CSMD1: variants seen among roughly 807,000 people sequenced by gnomAD.
The protein encoded by CSMD1 is CUB and Sushi multiple domains 1, also known as CUB and sushi domain-containing protein 1.
Under a neutral mutation model 417.5 loss-of-function variants are expected in CSMD1, and 213 were observed. The ratio of observed to expected loss-of-function variants is 0.51; its 90% CI spans 0.46 to 0.57. The LOEUF (loss-of-function observed/expected upper bound fraction) is 0.57, where lower values mean the gene tolerates loss of function less well. Ranked by LOEUF, CSMD1 falls within the 20% of genes least tolerant of loss-of-function variation. CSMD1 has a pLI of 0.00. For missense variants in CSMD1, 6,923 were observed against 4,529.7 expected (o/e 1.53, Z -15.17); for synonymous variants, 2,862 against 1,736.8 (o/e 1.65, Z -16.11).
At position 3,189,980 on chromosome 8, in the gene CSMD1, G is replaced by T. The variant is rs535341069; in HGVS notation, c.5330C>A (p.Thr1777Lys). 1.3e-6 allele frequency: 2 copies of T among 1,598,406 alleles called. No homozygotes were observed. The highest frequency in any genetic ancestry group is 1.7e-6 in the Non-Finnish European group (2 of 1,172,884). Residue 1777 changes from threonine to lysine, a missense_variant, in exon 34 of 70, where the codon ACG becomes AAG. Coordinates refer to ENST00000635120, the MANE Select transcript of CSMD1 (RefSeq NM_033225.6). ...CNPGYLLQGSTALHCQSVPNA... is the reference protein window; with the variant it reads ...CNPGYLLQGSKALHCQSVPNA... Reference sequence around the variant, plus strand: ...GGGCACGGACTGGCAGTGGAGCGCCGTGGAACCCTGAAGCAGGTATCCCGG... The same window carrying T: ...GGGCACGGACTGGCAGTGGAGCGCCTTGGAACCCTGAAGCAGGTATCCCGG...
intron 3 of CSMD1, among the ~76,000 whole-genome samples, chr8:4,404,149 G>C (rs1162956549): frequency 6.6e-6 from 1 of 152,136 alleles, no homozygotes; most frequent in African/African-American, 2.4e-5. Flanking sequence ...TCTCAGCGTA[G>C]AGCTTTCCGG....
chr8:4,118,516 G>A (rs1263720395), intron 3 of CSMD1, among the ~76,000 whole-genome samples: 1 of 151,724 alleles, frequency 6.6e-6, no homozygotes, highest in Non-Finnish European at 1.5e-5. Flanking sequence ...GGTCACTAGA[G>A]AAATGCAAAC....
At chr8:3,450,227 G>A (rs1052527755) in intron 12 of CSMD1, among the ~76,000 whole-genome samples, 9 of 152,138 alleles carry the variant, frequency 5.9e-5, no homozygotes, top group South Asian at 2.1e-4. Context: ...TTGACCAACT[G>A]ACTTCATGGT....
chr8:3,711,070 A>G (rs531241878), intron 6 of CSMD1, among the ~76,000 whole-genome samples: 2 of 152,278 alleles, frequency 1.3e-5, no homozygotes, highest in East Asian at 3.9e-4. Context: ...ATATTTTCCT[A>G]TAGCAAATGT....
At chr8:3,886,062 T>G (rs910064386) in intron 5 of CSMD1, among the ~76,000 whole-genome samples, 11 of 151,924 alleles carry the variant, frequency 7.2e-5, no homozygotes, top group African/African-American at 2.4e-4. Context: ...TTTATTATTA[T>G]TTTTTTGAGA....
chr8:3,141,320 C>A (rs1376258548), intron 41 of CSMD1, among the ~76,000 whole-genome samples: 1 of 152,180 alleles, frequency 6.6e-6, no homozygotes, highest in East Asian at 1.9e-4. Flanking sequence ...CCAACTCCAT[C>A]TTGCTTCTAA....
At chr8:3,282,378 A>T (rs1286414096) in intron 26 of CSMD1, among the ~76,000 whole-genome samples, 1 of 152,126 alleles carries the variant, frequency 6.6e-6, no homozygotes, top group Non-Finnish European at 1.5e-5. Flanking sequence ...AAAAAAATAA[A>T]ACCTGTTGAA....
rs556064451 is a variant in CSMD1 at position 4,258,835 on chromosome 8, C to G, written c.415+161118G>C. 2.0e-5 allele frequency among the ~76,000 whole-genome samples: 3 copies of G among 152,174 alleles called. No individual in the cohort carries two copies. The South Asian group carries it at 6.2e-4, about 32-fold the overall frequency. ...CACAGCAGCAGAAAGATCAGGAGCC[C>G]CACTCCTCATGGACAACGGCTGCAA... On this transcript the variant is annotated intron_variant, in intron 3 of 69. Coordinates refer to ENST00000635120, the MANE Select transcript of CSMD1 (RefSeq NM_033225.6).
intron 52 of CSMD1, among the ~76,000 whole-genome samples, chr8:3,005,856 G>T (rs367862619): frequency 1.6e-4 from 25 of 151,824 alleles, no homozygotes; most frequent in African/African-American, 3.4e-4. Context: ...CTTTGAAAAC[G>T]GGCACAAGAC....
intron 3 of CSMD1, among the ~76,000 whole-genome samples, chr8:4,044,731 T>TGCC (rs1798060260): frequency 6.6e-6 from 1 of 152,176 alleles, no homozygotes; most frequent in Non-Finnish European, 1.5e-5. Flanking sequence ...CCTGGACACG[T>TGCC]ACCACCCTGG....
chr8:3,181,177 G>A lies in CSMD1; in HGVS notation c.5658C>T (p.Asn1886=). 6.2e-7 allele frequency: 1 copy of A among 1,613,908 alleles called. No individual in the cohort carries two copies. The highest frequency in any genetic ancestry group is 2.2e-5 in the East Asian group (1 of 44,868). ...TVPALLNSTS[N]QLYLHFQSDI... ...CAGACTGGAAATGCAGGTAGAGTTG[G>A]TTGGAAGTACTGTTCAGCAGTGCCG... The change falls in exon 37 of 70, where the codon AAC becomes AAT. Residue 1886 remains asparagine (N), a synonymous_variant. Transcript: ENST00000635120.
At chr8:3,095,731 A>C (rs1585335481) in intron 47 of CSMD1, among the ~76,000 whole-genome samples, 1 of 152,200 alleles carries the variant, frequency 6.6e-6, no homozygotes. Flanking sequence ...CCCTGTTATT[A>C]TGTACAGCCA....
intron 3 of CSMD1, among the ~76,000 whole-genome samples, chr8:4,178,446 T>C (rs1798177613): frequency 6.6e-6 from 1 of 151,214 alleles, no homozygotes; most frequent in African/African-American, 2.4e-5. Context: ...TAATAAGAGC[T>C]ATCTATAACA....
At chr8:3,484,802 T>C (rs1040498170) in intron 11 of CSMD1, among the ~76,000 whole-genome samples, 5 of 152,194 alleles carry the variant, frequency 3.3e-5, no homozygotes, top group African/African-American at 1.2e-4. Flanking sequence ...GGATGTCAGA[T>C]AGTAAATAAG....
rs756336403 is a variant in CSMD1, at chr8:3,106,544, A to T, written c.6933T>A (p.Ser2311=). The change falls in exon 46 of 70, where the codon TCT becomes TCA. Residue 2311 remains serine (S), a synonymous_variant. Transcript: ENST00000635120. ...AGTGCATACCTTCACATGTTGGGAG[A>T]GAACCCTCAAACTGCAACTGGGAAC... ...KLSSQLQFEG[S]LPTCEAQCPA... is the part of the protein sequence containing the mutation. 10 of 1,612,614 alleles carry T rather than the reference A, an allele frequency of 6.2e-6. No individual in the cohort carries two copies. The East Asian group carries it at 2.0e-4, about 32-fold the overall frequency.
intron 1 of CSMD1, among the ~76,000 whole-genome samples, chr8:4,863,395 T>C (rs1228721755): frequency 1.3e-5 from 2 of 152,110 alleles, no homozygotes; most frequent in African/African-American, 4.8e-5. Context: ...GTAAAGAGAA[T>C]GCCTTTGGCC....
chr8:4,258,357 AGGAGGGAAGGAG>A (rs1363334939), intron 3 of CSMD1, among the ~76,000 whole-genome samples: 2 of 17,306 alleles, frequency 1.2e-4, no homozygotes, highest in African/African-American at 2.6e-4. Flanking sequence ...GAGAAAGAGA[AGGAGGGAAGGAG>A]GGAGGGAAGG....
At chr8:3,378,482 C>T (rs546873446) in intron 18 of CSMD1, among the ~76,000 whole-genome samples, 4 of 152,086 alleles carry the variant, frequency 2.6e-5, no homozygotes, top group African/African-American at 9.7e-5. Flanking sequence ...TGAAGAACAC[C>T]GATGTGAAAA....
At chr8:4,584,128 T>C (rs901670891) in intron 2 of CSMD1, among the ~76,000 whole-genome samples, 1 of 151,766 alleles carries the variant, frequency 6.6e-6, no homozygotes, top group African/African-American at 2.4e-5. Context: ...CATCCGAACG[T>C]CAGAAGGAAC....
Sources: gnomAD v4.1 joint callset for allele counts (sites outside exome capture counted in the v4.1 genomes callset) on GRCh38, gnomAD v4.1.1 for gene constraint, MANE v1.5 for transcripts, NCBI Gene and HGNC (gene_info 2026-07-23, HGNC 2026-07-21) for gene names.